NCK2: variants seen among roughly 807,000 people sequenced by gnomAD.
NCK2 encodes the protein NCK adaptor protein 2.
Under a neutral mutation model 33.9 loss-of-function variants are expected in NCK2, and 16 were observed. That is an observed-to-expected ratio of 0.47 (90% confidence interval 0.32 to 0.72). The LOEUF is 0.72. NCK2 is among the 30% of genes least tolerant of loss of function. The pLI is 0.03. For missense variants in NCK2, 418 were observed against 537.3 expected, an observed-to-expected ratio of 0.78 and a Z score of 2.19; for synonymous variants, 273 against 239.9, an observed-to-expected ratio of 1.14 and a Z score of -1.27.
At chr2:105,763,978 A>G (rs992788771) in intron 1 of NCK2, among the ~76,000 whole-genome samples, 6 of 152,244 alleles carry the variant, frequency 3.9e-5, no homozygotes, top group African/African-American at 1.4e-4. Flanking sequence ...TTTATTGAGC[A>G]CTTAACGTGG....
chr2:105,819,611 C>T (rs1477871090), intron 2 of NCK2, among the ~76,000 whole-genome samples: 1 of 152,192 alleles, frequency 6.6e-6, no homozygotes, highest in African/African-American at 2.4e-5. Flanking sequence ...CATGCTCACC[C>T]AGCAGCTCAG....
chr2:105,778,970 A>C (rs1174862343), intron 1 of NCK2, among the ~76,000 whole-genome samples: 1 of 152,090 alleles, frequency 6.6e-6, no homozygotes, highest in African/African-American at 2.4e-5. Context: ...GAAATTCAAT[A>C]TTTAAATGTT....
At chr2:105,750,766 G>A (rs570521197) in intron 1 of NCK2, among the ~76,000 whole-genome samples, 1 of 152,322 alleles carries the variant, frequency 6.6e-6, no homozygotes, top group Admixed American at 6.5e-5. Flanking sequence ...GGGTTGGTTT[G>A]TCTTTAATTG....
At chr2:105,814,313 G>A (rs755788163) in intron 1 of NCK2, among the ~76,000 whole-genome samples, 5 of 152,174 alleles carry the variant, frequency 3.3e-5, no homozygotes, top group African/African-American at 7.2e-5. Context: ...GGAAAACATC[G>A]CATGCAACCT....
chr2:105,879,361 T>C (rs937682480), intron 3 of NCK2, among the ~76,000 whole-genome samples: 1 of 152,234 alleles, frequency 6.6e-6, no homozygotes, highest in African/African-American at 2.4e-5. Context: ...TTTGCTTTCA[T>C]GGATGGCCTG....
At chr2:105,880,838 C>T (rs1678441523) in intron 3 of NCK2, among the ~76,000 whole-genome samples, 1 of 151,564 alleles carries the variant, frequency 6.6e-6, no homozygotes, top group Admixed American at 6.6e-5. Context: ...TGCAGTGGAG[C>T]GATCATGGCT....
intron 1 of NCK2, among the ~76,000 whole-genome samples, chr2:105,766,493 T>A (rs1358568735): frequency 2.0e-5 from 3 of 152,146 alleles, no homozygotes; most frequent in African/African-American, 7.2e-5. Context: ...GTGAAGTTTT[T>A]AATTTTTGTT....
chr2:105,824,845 C>T (rs1412542217), intron 2 of NCK2, among the ~76,000 whole-genome samples: 4 of 152,202 alleles, frequency 2.6e-5, no homozygotes, highest in African/African-American at 9.7e-5. Context: ...CCATGCCCCA[C>T]AGAATTCAGT....
chr2:105,805,130 A>C (rs1674982182), intron 1 of NCK2, among the ~76,000 whole-genome samples: 2 of 152,216 alleles, frequency 1.3e-5, no homozygotes, highest in Admixed American at 1.3e-4. Flanking sequence ...TTGATATTAT[A>C]AAATAGTGCT....
chr2:105,844,947 T>G lies in NCK2; in HGVS notation c.-16-10101T>G, dbSNP rs568963461. The stretch of plus-strand genomic sequence containing the variant: ...CTACATTTGGAATAAATATTAGCAT[T>G]TATTGTTCCAAACTCATTTATAGAG... On this transcript the variant is annotated intron_variant, in intron 2 of 4. Coordinates refer to ENST00000233154, the MANE Select transcript of NCK2 (RefSeq NM_003581.5). 2.1e-3 allele frequency among the ~76,000 whole-genome samples: 316 copies of G among 152,132 alleles called. 1 individual carries two copies. The highest frequency in any genetic ancestry group is 6.8e-3 in the African/African-American group (284 of 41,496).
chr2:105,862,093 T>G (rs1677563726), intron 3 of NCK2, among the ~76,000 whole-genome samples: 1 of 152,126 alleles, frequency 6.6e-6, no homozygotes, highest in Non-Finnish European at 1.5e-5. Flanking sequence ...CATAAATACA[T>G]GTAATGAGAG....
At chr2:105,780,364 A>T (rs879716625) in intron 1 of NCK2, among the ~76,000 whole-genome samples, 19 of 146,078 alleles carry the variant, frequency 1.3e-4, no homozygotes, top group Admixed American at 6.8e-4. Flanking sequence ...ACACACACAC[A>T]TTCATCTAAA....
intron 1 of NCK2, among the ~76,000 whole-genome samples, chr2:105,748,458 C>CA (rs1378087568): frequency 1.6e-4 from 25 of 152,116 alleles, no homozygotes; most frequent in Non-Finnish European, 2.8e-4. Context: ...GATCACAGCT[C>CA]ACTGCATCCT....
rs558801108 is a variant in NCK2 at position 105,756,466 on chromosome 2, TA to T, written c.-201+11329del. Reference sequence around the variant, plus strand: ...ACTTTGGAACGATGTGTGTTTCTCTTATTACTTGCACACCTTGTATCATTTG... The same window carrying T: ...ACTTTGGAACGATGTGTGTTTCTCTTTTACTTGCACACCTTGTATCATTTG... On this transcript the variant is annotated intron_variant, in intron 1 of 4. Coordinates refer to ENST00000233154, the MANE Select transcript of NCK2 (RefSeq NM_003581.5). 1.5e-3 allele frequency among the ~76,000 whole-genome samples: 236 copies of T among 152,362 alleles called. 1 individual carries two copies. The highest frequency in any genetic ancestry group is 5.1e-3 in the African/African-American group (211 of 41,582).
chr2:105,876,864 TAGAG>T (rs999558272), intron 3 of NCK2, among the ~76,000 whole-genome samples: 2 of 152,070 alleles, frequency 1.3e-5, no homozygotes, highest in African/African-American at 2.4e-5. Flanking sequence ...GCCTTCGAAT[TAGAG>T]AGAGGCAGTC....
At chr2:105,877,286 C>T (rs1274618011) in intron 3 of NCK2, among the ~76,000 whole-genome samples, 2 of 152,112 alleles carry the variant, frequency 1.3e-5, no homozygotes, top group African/African-American at 4.8e-5. Flanking sequence ...GTCAGGAGGG[C>T]GGCACACATT....
intron 1 of NCK2, among the ~76,000 whole-genome samples, chr2:105,752,549 C>A (rs1212912640): frequency 6.6e-6 from 1 of 152,094 alleles, no homozygotes; most frequent in Admixed American, 6.5e-5. Context: ...AGGTAAAAAA[C>A]AACATTGTAT....
intron 3 of NCK2, among the ~76,000 whole-genome samples, chr2:105,857,369 C>A (rs1677321585): frequency 6.6e-6 from 1 of 152,266 alleles, no homozygotes; most frequent in African/African-American, 2.4e-5. Flanking sequence ...CCATCCAGCC[C>A]TGCTGGAGCG....
intron 2 of NCK2, among the ~76,000 whole-genome samples, chr2:105,831,300 G>A (rs906450727): frequency 3.3e-5 from 5 of 151,934 alleles, no homozygotes; most frequent in Admixed American, 2.6e-4. Context: ...GTAGGAAACC[G>A]CAAAAGAACC....
Sources: allele counts gnomAD v4.1 joint callset (sites outside exome capture counted in the v4.1 genomes callset), GRCh38; gene constraint gnomAD v4.1.1; transcripts MANE v1.5; gene names NCBI Gene and HGNC (gene_info 2026-07-23, HGNC 2026-07-21).